CTNNA2: variants seen among roughly 807,000 people sequenced by gnomAD.
CTNNA2 encodes the protein catenin alpha 2.
In CTNNA2, 42 loss-of-function variants were observed where a neutral mutation model predicts 101.0. That is an observed-to-expected ratio of 0.42 (90% CI 0.32 to 0.54). CTNNA2 has a LOEUF of 0.54. CTNNA2 is among the 20% of genes least tolerant of loss of function. The probability of loss-of-function intolerance (pLI) is 0.14; values close to 1 mark genes in which losing one functional copy is unlikely to be tolerated. For missense variants in CTNNA2, 871 were observed against 1,223.1 expected, an observed-to-expected ratio of 0.71 and a Z score of 4.29; for synonymous variants, 450 against 456.4, an observed-to-expected ratio of 0.99 and a Z score of 0.18.
intron 2 of CTNNA2, among the ~76,000 whole-genome samples, chr2:79,217,389 G>T (rs531559828): frequency 7.9e-5 from 12 of 152,146 alleles, no homozygotes; most frequent in African/African-American, 1.2e-4. Flanking sequence ...GGTGCAGGGG[G>T]GCTGAGTCTG....
At chr2:79,423,344 C>T (rs1558663478) in intron 4 of CTNNA2, among the ~76,000 whole-genome samples, 1 of 152,174 alleles carries the variant, frequency 6.6e-6, no homozygotes, top group Non-Finnish European at 1.5e-5. Flanking sequence ...CCCACTGATA[C>T]ACCACAGAGT....
At chr2:79,465,469 C>T (rs952166599) in intron 4 of CTNNA2, among the ~76,000 whole-genome samples, 62 of 152,224 alleles carry the variant, frequency 4.1e-4, no homozygotes, top group African/African-American at 1.4e-3. Context: ...AATGCAGGCT[C>T]TTTTTTGTTC....
At chr2:80,307,681 G>A (rs917342068) in intron 7 of CTNNA2, among the ~76,000 whole-genome samples, 1 of 152,288 alleles carries the variant, frequency 6.6e-6, no homozygotes, top group Admixed American at 6.5e-5. Context: ...GATAAGAGAT[G>A]CTTTATATGC....
chr2:80,043,439 C>A (rs1385479024), intron 7 of CTNNA2, among the ~76,000 whole-genome samples: 2 of 152,076 alleles, frequency 1.3e-5, no homozygotes, highest in African/African-American at 4.8e-5. Flanking sequence ...CTCAAGTGAT[C>A]CACCTGTCTC....
intron 9 of CTNNA2, among the ~76,000 whole-genome samples, chr2:80,457,025 A>G (rs555941969): frequency 2.0e-5 from 3 of 152,274 alleles, no homozygotes; most frequent in Non-Finnish European, 2.9e-5. Context: ...TAACTGTTTG[A>G]GGTGATTGAT....
chr2:79,548,178 A>G (rs1282049821), intron 1 of CTNNA2: 2 of 152,182 alleles, frequency 1.3e-5, no homozygotes, highest in Non-Finnish European at 2.9e-5. Context: ...TGACCACTAA[A>G]CTAAATTATG....
At position 79,650,857 on chromosome 2, in the gene CTNNA2, A is replaced by T. The variant is rs938049917; in HGVS notation, c.-5-695A>T. On this transcript the variant is annotated intron_variant, in intron 1 of 18. Coordinates refer to ENST00000402739, the MANE Select transcript of CTNNA2 (RefSeq NM_001282597.3). Reference sequence around the variant, plus strand: ...TGTGTCCATATGATCTCATTGTTCAATTCCCACCTATGAGTGAGAATATGC... The same window carrying T: ...TGTGTCCATATGATCTCATTGTTCATTTCCCACCTATGAGTGAGAATATGC... Among the ~76,000 whole-genome samples, 5 of 141,036 alleles carry T rather than the reference A, an allele frequency of 3.5e-5. No individual in the cohort carries two copies. The East Asian group carries it at 8.6e-4, about 24-fold the overall frequency. The allele number at this position is 141,036 out of a possible 152,430, so 92.5% of individuals were successfully genotyped here. A position where few individuals can be genotyped will look rare whatever the true frequency, so the allele number is the denominator to read the frequency against.
chr2:79,243,299 A>C (rs1674658578), intron 2 of CTNNA2, among the ~76,000 whole-genome samples: 2 of 152,156 alleles, frequency 1.3e-5, no homozygotes, highest in Admixed American at 1.3e-4. Flanking sequence ...AAAGCTTTTC[A>C]GTCAGAGTTG....
At chr2:79,588,384 G>T (rs554291723) in intron 1 of CTNNA2, among the ~76,000 whole-genome samples, 1 of 152,282 alleles carries the variant, frequency 6.6e-6, no homozygotes, top group African/African-American at 2.4e-5. Context: ...TGTAAGAACA[G>T]TTATTTGTTG....
At chr2:79,740,032 G>C (rs188701695) in intron 2 of CTNNA2, among the ~76,000 whole-genome samples, 1 of 152,182 alleles carries the variant, frequency 6.6e-6, no homozygotes, top group Non-Finnish European at 1.5e-5. Flanking sequence ...TTTATTTTAA[G>C]TTCAGAGGTA....
intron 5 of CTNNA2, among the ~76,000 whole-genome samples, chr2:79,870,424 G>A (rs1682494711): frequency 6.6e-6 from 1 of 151,728 alleles, no homozygotes; most frequent in South Asian, 2.1e-4. Flanking sequence ...AAATGCAGGG[G>A]TGGGGGAACG....
chr2:79,302,957 AG>A (rs1173083580), intron 2 of CTNNA2, among the ~76,000 whole-genome samples: 2 of 152,216 alleles, frequency 1.3e-5, no homozygotes, highest in Middle Eastern at 3.2e-3. Context: ...CATAAAGAGA[AG>A]TTAACCAACT....
Position 80,302,565 on chromosome 2 carries a change from C to T in CTNNA2, c.1057-90646C>T, listed in dbSNP as rs1038224584. The T allele has an allele frequency of 6.2e-7, 1 of 1,608,090 alleles. No individual in the cohort carries two copies. The highest frequency in any genetic ancestry group is 8.5e-7 in the Non-Finnish European group (1 of 1,179,346). The stretch of plus-strand genomic sequence containing the variant: ...TTGTGGATCTGCACGGCGTTCTCGG[C>T]GTGCTCGCCGCCTGGAAGAGCCACG... On this transcript the variant is annotated intron_variant, in intron 7 of 18. Coordinates refer to ENST00000402739, the MANE Select transcript of CTNNA2 (RefSeq NM_001282597.3). This position sits in a 1 kb window ranked among gnomAD's most constrained non-coding sequence, Gnocchi z 6.4.
At chr2:80,196,653 C>T (rs1706849710) in intron 7 of CTNNA2, among the ~76,000 whole-genome samples, 1 of 152,278 alleles carries the variant, frequency 6.6e-6, no homozygotes, top group East Asian at 1.9e-4. Context: ...TTTTACCTAG[C>T]TGCTGGAATG....
chr2:79,600,982 A>G (rs1047750059), intron 1 of CTNNA2, among the ~76,000 whole-genome samples: 3 of 152,132 alleles, frequency 2.0e-5, no homozygotes, highest in Non-Finnish European at 4.4e-5. Flanking sequence ...GTGGGCTACA[A>G]TTTCAACCTA....
intron 2 of CTNNA2, among the ~76,000 whole-genome samples, chr2:79,225,603 C>T (rs1459670213): frequency 6.6e-6 from 1 of 152,054 alleles, no homozygotes; most frequent in Admixed American, 6.6e-5. Flanking sequence ...ACTCAAGGTA[C>T]TGAAAGATTT....
At chr2:80,574,940 A>C (rs1274460938) in intron 13 of CTNNA2, among the ~76,000 whole-genome samples, 3 of 152,186 alleles carry the variant, frequency 2.0e-5, no homozygotes, top group African/African-American at 7.2e-5. Flanking sequence ...TAGTTGATTT[A>C]AAAACTCATA....
intron 7 of CTNNA2, among the ~76,000 whole-genome samples, chr2:80,205,519 T>G (rs765396361): frequency 3.9e-5 from 6 of 152,212 alleles, no homozygotes; most frequent in Non-Finnish European, 7.4e-5. Context: ...ATGGATAATT[T>G]ATGGTGAAAA....
chr2:79,840,303 A>G (rs1304815106), intron 3 of CTNNA2, among the ~76,000 whole-genome samples: 1 of 152,116 alleles, frequency 6.6e-6, no homozygotes, highest in Non-Finnish European at 1.5e-5. Flanking sequence ...GTACAGTTCT[A>G]TTTTCTGTGA....
Sources: gnomAD v4.1 joint callset for allele counts (sites outside exome capture counted in the v4.1 genomes callset) on GRCh38, gnomAD v4.1.1 for gene constraint, Gnocchi (gnomAD v3.1) non-coding constraint, MANE v1.5 for transcripts, NCBI Gene and HGNC (gene_info 2026-07-23, HGNC 2026-07-21) for gene names.